CADM2: variants seen among roughly 807,000 people sequenced by gnomAD.
The protein encoded by CADM2 is immunoglobulin superfamily member 4D.
CADM2 carries 12 observed loss-of-function variants against 49.8 expected under a neutral mutation model. That is an observed-to-expected ratio of 0.24 (90% CI 0.15 to 0.39). The LOEUF is 0.39. Ranked by LOEUF, CADM2 falls within the 10% of genes least tolerant of loss-of-function variation. The probability of loss-of-function intolerance (pLI) is 1.00; values close to 1 mark genes in which losing one functional copy is unlikely to be tolerated. For missense variants in CADM2, 378 were observed against 492.3 expected, an observed-to-expected ratio of 0.77 and a Z score of 2.20; for synonymous variants, 214 against 175.4, an observed-to-expected ratio of 1.22 and a Z score of -1.74.
intron 3 of CADM2, among the ~76,000 whole-genome samples, chr3:85,854,800 A>C (rs909128440): frequency 2.0e-5 from 3 of 152,122 alleles, no homozygotes; most frequent in Non-Finnish European, 4.4e-5. Context: ...TAAAAACCAC[A>C]CAAAAAAATA....
chr3:85,812,777 C>T (rs919839953), intron 3 of CADM2, among the ~76,000 whole-genome samples: 2 of 152,130 alleles, frequency 1.3e-5, no homozygotes, highest in Admixed American at 1.3e-4. Flanking sequence ...TCAACTACCA[C>T]TTATGAGTGA....
In CADM2 at chr3:86,072,416, CAAAA is replaced by C. The variant is rs58302463; in HGVS notation, c.*5640_*5643del. ...AAAGATATAAAAAAAACAAAAAAAA[CAAAA>C]AAAAAACACTATTTTCCCCTACGAA... On this transcript the variant is annotated 3_prime_UTR_variant, in exon 10 of 10. Transcript: ENST00000383699. 1.4e-5 allele frequency: 2 copies of C among 137,964 alleles called. No homozygotes were observed. The highest frequency in any genetic ancestry group is 5.4e-5 in the African/African-American group (2 of 37,018). 8.5% of individuals were successfully genotyped at this position (137,964 alleles called of 1,614,324 possible). A position where few individuals can be genotyped will look rare whatever the true frequency, so the allele number is the denominator to read the frequency against.
chr3:86,064,819 G>T (rs1739121887), intron 8 of CADM2, among the ~76,000 whole-genome samples: 1 of 152,158 alleles, frequency 6.6e-6, no homozygotes, highest in African/African-American at 2.4e-5. Context: ...AGTAAATGCA[G>T]AACATGAAAG....
Position 85,818,900 on chromosome 3 carries a change from C to T in CADM2, c.238+16704C>T, listed in dbSNP as rs144407748. ...AGAGGAACAGAACTAATAGGATAGACGTATATGTGAAAGGGAGTTTATGAA... is the reference window on the plus strand; with the variant it reads ...AGAGGAACAGAACTAATAGGATAGATGTATATGTGAAAGGGAGTTTATGAA... On this transcript the variant is annotated intron_variant, in intron 3 of 9. Coordinates refer to ENST00000383699, the MANE Select transcript of CADM2 (RefSeq NM_001167675.2). 3.4e-3 allele frequency among the ~76,000 whole-genome samples: 489 copies of T among 142,334 alleles called. 4 individuals carry two copies. Among genetic ancestry groups the T allele is most frequent in the African/African-American group, 0.015 (474 of 32,308 alleles). 93.4% of individuals were successfully genotyped at this position (142,334 alleles called of 152,430 possible).
intron 1 of CADM2, among the ~76,000 whole-genome samples, chr3:85,167,443 T>C (rs1446159667): frequency 6.6e-6 from 1 of 152,130 alleles, no homozygotes; most frequent in African/African-American, 2.4e-5. Context: ...ATTAATATGA[T>C]ATTTTATGGT....
At chr3:85,724,534 T>A (rs1292627457) in intron 1 of CADM2, among the ~76,000 whole-genome samples, 1 of 151,624 alleles carries the variant, frequency 6.6e-6, no homozygotes, top group African/African-American at 2.4e-5. Flanking sequence ...TACAAAATAG[T>A]TCCATACTTC....
At chr3:85,844,877 G>A (rs962656215) in intron 3 of CADM2, among the ~76,000 whole-genome samples, 20 of 151,994 alleles carry the variant, frequency 1.3e-4, no homozygotes, top group Non-Finnish European at 7.4e-5. Flanking sequence ...TAGTCCAGGC[G>A]TGGTGGCTCA....
chr3:85,937,617 GA>G (rs1721336772), intron 7 of CADM2, among the ~76,000 whole-genome samples: 1 of 151,748 alleles, frequency 6.6e-6, no homozygotes. Flanking sequence ...TGAAAAACTA[GA>G]ATAGGACTGA....
chr3:85,865,294 A>G (rs1219062009), intron 3 of CADM2, among the ~76,000 whole-genome samples: 1 of 152,200 alleles, frequency 6.6e-6, no homozygotes, highest in Non-Finnish European at 1.5e-5. Context: ...ACCTGCAACT[A>G]AGCAGACCTG....
At chr3:85,780,222 T>G (rs1019436682) in intron 2 of CADM2, among the ~76,000 whole-genome samples, 1 of 152,114 alleles carries the variant, frequency 6.6e-6, no homozygotes, top group Non-Finnish European at 1.5e-5. Context: ...ACATGTACAT[T>G]CAAAAAGGGC....
intron 1 of CADM2, among the ~76,000 whole-genome samples, chr3:85,718,602 AG>A (rs2067381156): frequency 6.6e-6 from 1 of 152,176 alleles, no homozygotes; most frequent in Admixed American, 6.6e-5. Flanking sequence ...TGAAAGCAAA[AG>A]GAATAAATAT....
intron 1 of CADM2, among the ~76,000 whole-genome samples, chr3:85,398,933 T>G (rs1286444698): frequency 6.6e-6 from 1 of 152,132 alleles, no homozygotes; most frequent in East Asian, 1.9e-4. Flanking sequence ...TTGCAAAAAT[T>G]TTCTCCCATT....
At chr3:85,391,505 C>T (rs990241681) in intron 1 of CADM2, among the ~76,000 whole-genome samples, 3 of 149,554 alleles carry the variant, frequency 2.0e-5, no homozygotes, top group African/African-American at 7.3e-5. Flanking sequence ...GAAGGCTCTT[C>T]AGGCAAGGCA....
At chr3:85,407,259 C>T (rs2035428172) in intron 1 of CADM2, among the ~76,000 whole-genome samples, 2 of 152,026 alleles carry the variant, frequency 1.3e-5, no homozygotes, top group Non-Finnish European at 2.9e-5. Context: ...TCAAGGATTT[C>T]TTGGTTTAAG....
At chr3:85,359,666 A>ATATATATATATTTT in intron 1 of CADM2, among the ~76,000 whole-genome samples, 21 of 26,552 alleles carry the variant, frequency 7.9e-4, no homozygotes, top group South Asian at 1.4e-3. Flanking sequence ...ATATATATAT[A>ATATATATATATTTT]TTTTTTTTTT....
intron 1 of CADM2, among the ~76,000 whole-genome samples, chr3:85,528,602 T>C (rs10511079): frequency 0.2 from 30,287 of 152,170 alleles, 3,799 homozygotes; most frequent in East Asian, 0.3. Flanking sequence ...GTCTGGCATG[T>C]AATATTTATC....
intron 1 of CADM2, among the ~76,000 whole-genome samples, chr3:85,667,591 C>T (rs2065607727): frequency 6.6e-6 from 1 of 152,082 alleles, no homozygotes; most frequent in South Asian, 2.1e-4. Context: ...TTCAGGATAA[C>T]TCTAGGGGGA....
At chr3:85,707,272 G>A (rs2066979277) in intron 1 of CADM2, among the ~76,000 whole-genome samples, 1 of 151,890 alleles carries the variant, frequency 6.6e-6, no homozygotes, top group Non-Finnish European at 1.5e-5. Flanking sequence ...TCTGTAGTTA[G>A]GATGTAAAAC....
chr3:85,307,169 A>G (rs80082180), intron 1 of CADM2, among the ~76,000 whole-genome samples: 14,365 of 151,644 alleles, frequency 0.095, 1,406 homozygotes, highest in African/African-American at 0.25. Context: ...GCATATATAT[A>G]TGTGTGGTTA....
Sources: gnomAD v4.1 joint callset for allele counts (sites outside exome capture counted in the v4.1 genomes callset) on GRCh38, gnomAD v4.1.1 for gene constraint, MANE v1.5 for transcripts, NCBI Gene and HGNC (gene_info 2026-07-23, HGNC 2026-07-21) for gene names.